Variants in PIEZO2 observed in about 807,000 individuals in gnomAD.
PIEZO2 encodes the protein piezo type mechanosensitive ion channel component 2, also known as piezo-type mechanosensitive ion channel component 2.
Under a neutral mutation model 337.3 loss-of-function variants are expected in PIEZO2, and 172 were observed. The observed-to-expected ratio is 0.51, with a 90% CI of 0.45 to 0.58. The LOEUF is 0.58. Among genes scored for constraint, PIEZO2 ranks in the 20% least tolerant of loss-of-function variants. PIEZO2 has a pLI of 0.00. For missense variants in PIEZO2, 3,028 were observed against 3,391.3 expected, an observed-to-expected ratio of 0.89 and a Z score of 2.66; for synonymous variants, 1,251 against 1,228.5, an observed-to-expected ratio of 1.02 and a Z score of -0.38.
intron 3 of PIEZO2, among the ~76,000 whole-genome samples, chr18:10,916,597 C>T (rs775576324): frequency 1.4e-4 from 21 of 152,154 alleles, no homozygotes; most frequent in Non-Finnish European, 2.5e-4. Flanking sequence ...CGTGAGGCCG[C>T]GCCCATCTAG....
intron 11 of PIEZO2, 77 bp downstream of exon 11, chr18:10,800,260 C>A (rs1296844091): frequency 1.0e-5 from 15 of 1,462,630 alleles, no homozygotes; most frequent in Non-Finnish European, 1.3e-5. Flanking sequence ...ATAAAATAAG[C>A]AACAACAACA....
chr18:10,997,830 G>A (rs539720215), intron 2 of PIEZO2, among the ~76,000 whole-genome samples: 1 of 138,070 alleles, frequency 7.2e-6, no homozygotes, highest in East Asian at 2.0e-4. Flanking sequence ...AAGGAGAGCA[G>A]AAAGATTGGT....
Position 11,096,962 on chromosome 18 carries a change from T to C in PIEZO2, c.65-30740A>G, listed in dbSNP as rs2039278970. On this transcript the variant is annotated intron_variant, in intron 1 of 55. Coordinates refer to ENST00000674853, the MANE Select transcript of PIEZO2 (RefSeq NM_001378183.1). The surrounding 1 kb of genome is among the most constrained non-coding windows in gnomAD (Gnocchi z 4.6). ...AAGCTGGCACAAGATTTTCACTTGC[T>C]TTGTCTAGGAAAGATTTAAATGCCT... Among the ~76,000 whole-genome samples, 1 of 152,216 alleles carries C rather than the reference T, an allele frequency of 6.6e-6. No individual in the cohort carries two copies. The highest frequency in any genetic ancestry group is 2.1e-4 in the South Asian group (1 of 4,830).
At position 11,146,658 on chromosome 18, in the gene PIEZO2, G is replaced by A. The variant is rs1355696556; in HGVS notation, c.64+1867C>T. Among the ~76,000 whole-genome samples the A allele has an allele frequency of 1.3e-5, 2 of 152,222 alleles. No homozygotes were observed. Among genetic ancestry groups the A allele is most frequent in the African/African-American group, 2.4e-5 (1 of 41,472 alleles). On this transcript the variant is annotated intron_variant, in intron 1 of 55. Coordinates refer to ENST00000674853, the MANE Select transcript of PIEZO2 (RefSeq NM_001378183.1). The surrounding 1 kb of genome is among the most constrained non-coding windows in gnomAD (Gnocchi z 6.1). ...GAGGCAGGTGAGCTGAGTCCAGGGA[G>A]CCCAACCTGCAAGAGCCTATGCTCA...
intron 32 of PIEZO2, 78 bp downstream of exon 32, chr18:10,742,416 G>A (rs565325435): frequency 1.9e-5 from 28 of 1,452,666 alleles, no homozygotes; most frequent in Non-Finnish European, 9.2e-7. Context: ...AAGAAGTAAT[G>A]TTATTTTACA....
chr18:11,011,261 T>C (rs534079108), intron 2 of PIEZO2, among the ~76,000 whole-genome samples: 1 of 152,396 alleles, frequency 6.6e-6, no homozygotes, highest in Admixed American at 6.5e-5. Context: ...TGTCCTACAA[T>C]TGTATTTTTT....
At chr18:10,967,861 T>C (rs1006729078) in intron 3 of PIEZO2, among the ~76,000 whole-genome samples, 1 of 152,108 alleles carries the variant, frequency 6.6e-6, no homozygotes, top group Non-Finnish European at 1.5e-5. Flanking sequence ...GATGTGTAGA[T>C]TGTGGAGATT....
At position 11,101,768 on chromosome 18, in the gene PIEZO2, T is replaced by C. The variant is rs2039426742; in HGVS notation, c.65-35546A>G. ...TTTTAAAAAATGCTAGATTGATAAA[T>C]ATCCTGAGGAAAAATGTAGACCCCG... On this transcript the variant is annotated intron_variant, in intron 1 of 55. Transcript: ENST00000674853. The surrounding 1 kb of genome is among the most constrained non-coding windows in gnomAD (Gnocchi z 4.4). Among the ~76,000 whole-genome samples, 1 of 152,202 alleles carries C rather than the reference T, an allele frequency of 6.6e-6. No homozygotes were observed. Among genetic ancestry groups the C allele is most frequent in the African/African-American group, 2.4e-5 (1 of 41,458 alleles).
rs2035892990 is a variant in PIEZO2, at chr18:10,713,347, CTT to C, written c.5423+1415_5423+1416del. On this transcript the variant is annotated intron_variant, in intron 39 of 55. Transcript: ENST00000674853. This position sits in a 1 kb window ranked among gnomAD's most constrained non-coding sequence, Gnocchi z 4.5. ...AGTTAATTAGCACTTTAGGGCAAAA[CTT>C]TTTGGTTTTTTTTTTACCCACATTC... Among the ~76,000 whole-genome samples the C allele has an allele frequency of 6.6e-6, 1 of 151,802 alleles. No individual in the cohort carries two copies. The highest frequency in any genetic ancestry group is 2.1e-4 in the South Asian group (1 of 4,818).
At chr18:11,013,839 G>C (rs112317198) in intron 2 of PIEZO2, among the ~76,000 whole-genome samples, 1 of 152,164 alleles carries the variant, frequency 6.6e-6, no homozygotes, top group Non-Finnish European at 1.5e-5. Context: ...GAGCTGGAGT[G>C]GTGCCCGAAG....
rs111396956 is a variant in PIEZO2 at position 10,762,660 on chromosome 18, G to C, written c.3124-35C>G. ...AGAGAAAATGGAGTAAAAAAAAATA[G>C]CTCCACAGATTAGGAGAGCTCAGGT... On this transcript the variant is annotated intron_variant, in intron 22 of 55. Transcript: ENST00000674853. 5.0e-3 allele frequency: 7,660 copies of C among 1,531,628 alleles called. 156 individuals are homozygous for C. Among genetic ancestry groups the C allele is most frequent in the African/African-American group, 0.047 (3,420 of 72,704 alleles). 94.9% of individuals were successfully genotyped at this position (1,531,628 alleles called of 1,614,324 possible). A position where few individuals can be genotyped will look rare whatever the true frequency, so the allele number is the denominator to read the frequency against.
At chr18:10,871,524 G>T in intron 4 of PIEZO2, 109 bp from the exon 5 acceptor site, 1 of 1,049,354 alleles carries the variant, frequency 9.5e-7, no homozygotes, top group East Asian at 2.7e-5. Flanking sequence ...AATAAAAGAT[G>T]CTCCGTTTCT....
rs1425230819 is a variant in PIEZO2 at position 11,069,138 on chromosome 18, A to G, written c.65-2916T>C. Among the ~76,000 whole-genome samples the G allele has an allele frequency of 6.6e-6, 1 of 152,208 alleles. No individual in the cohort carries two copies. Among genetic ancestry groups the G allele is most frequent in the Non-Finnish European group, 1.5e-5 (1 of 68,044 alleles). On this transcript the variant is annotated intron_variant, in intron 1 of 55. Coordinates refer to ENST00000674853, the MANE Select transcript of PIEZO2 (RefSeq NM_001378183.1). This position sits in a 1 kb window ranked among gnomAD's most constrained non-coding sequence, Gnocchi z 4.9. ...TATCAATTCTTCTCAAATTCTTCCA[A>G]GAAAATTAAAGAAGAGGGAATACTT...
intron 9 of PIEZO2, among the ~76,000 whole-genome samples, chr18:10,801,711 T>A (rs2144277229): frequency 6.6e-6 from 1 of 152,288 alleles, no homozygotes; most frequent in African/African-American, 2.4e-5. Context: ...TCTACAAGAA[T>A]AAGCGCTTAG....
chr18:10,782,158 T>G (rs566600810), intron 17 of PIEZO2, among the ~76,000 whole-genome samples: 1 of 139,868 alleles, frequency 7.1e-6, no homozygotes, highest in Non-Finnish European at 1.5e-5. Context: ...ATGTTATAAT[T>G]ATATATTATA....
chr18:10,670,852 C>CT lies in PIEZO2; in HGVS notation c.*674dup, dbSNP rs766396218. Reference sequence around the variant, plus strand: ...GGTGTACACATCATTTGTTTTGCTCCTTTTTTTTTTTTTTCCTGAGAAGTC... The same window carrying CT: ...GGTGTACACATCATTTGTTTTGCTCCTTTTTTTTTTTTTTTCCTGAGAAGTC... On this transcript the variant is annotated 3_prime_UTR_variant, in exon 56 of 56. Coordinates refer to ENST00000674853, the MANE Select transcript of PIEZO2 (RefSeq NM_001378183.1). The CT allele has an allele frequency of 6.8e-3, 976 of 142,938 alleles. 9 individuals are homozygous for CT. Among genetic ancestry groups the CT allele is most frequent in the African/African-American group, 0.019 (750 of 39,146 alleles). The allele number at this position is 142,938 out of a possible 1,614,324, so 8.9% of individuals were successfully genotyped here. A position where few individuals can be genotyped will look rare whatever the true frequency, so the allele number is the denominator to read the frequency against.
intron 1 of PIEZO2, among the ~76,000 whole-genome samples, chr18:11,115,609 A>G (rs973419548): frequency 4.6e-5 from 7 of 152,220 alleles, no homozygotes; most frequent in South Asian, 2.1e-4. Context: ...TCACACATGT[A>G]TAAAGTCCTA....
At chr18:11,053,723 A>G (rs2037614819) in intron 2 of PIEZO2, among the ~76,000 whole-genome samples, 6 of 152,230 alleles carry the variant, frequency 3.9e-5, no homozygotes, top group Admixed American at 3.9e-4. Flanking sequence ...CCTGTAATAT[A>G]TCGGGTTAAA....
chr18:10,970,668 A>T (rs914576793), intron 3 of PIEZO2, among the ~76,000 whole-genome samples: 2,129 of 134,974 alleles, frequency 0.016, 37 homozygotes, highest in African/African-American at 0.047. Context: ...TTTCACACAC[A>T]CACACACACA....
Sources: gnomAD v4.1 joint callset for allele counts (sites outside exome capture counted in the v4.1 genomes callset) on GRCh38, gnomAD v4.1.1 for gene constraint, Gnocchi (gnomAD v3.1) non-coding constraint, MANE v1.5 for transcripts, NCBI Gene and HGNC (gene_info 2026-07-23, HGNC 2026-07-21) for gene names.